Variants in VPS54 observed in about 807,000 individuals in gnomAD.
The protein encoded by VPS54 is VPS54 subunit of GARP complex.
VPS54 carries 45 observed loss-of-function variants against 121.5 expected under a neutral mutation model. That is an observed-to-expected ratio of 0.37 (90% CI 0.29 to 0.47). The LOEUF (loss-of-function observed/expected upper bound fraction) is 0.47, where lower values mean the gene tolerates loss of function less well. VPS54 is among the 20% of genes least tolerant of loss of function. The pLI is 0.99. For missense variants in VPS54, 1,090 were observed against 1,131.4 expected (o/e 0.96, Z 0.52); for synonymous variants, 371 against 385.8 (o/e 0.96, Z 0.45).
chr2:63,937,157 C>A (rs926850638), intron 11 of VPS54, among the ~76,000 whole-genome samples: 3 of 151,920 alleles, frequency 2.0e-5, no homozygotes, highest in Admixed American at 1.3e-4. Flanking sequence ...TGGACTACAT[C>A]AAAATAGAAA....
intron 1 of VPS54, among the ~76,000 whole-genome samples, chr2:64,001,247 A>C (rs1268911894): frequency 4.6e-5 from 7 of 152,178 alleles, no homozygotes; most frequent in Admixed American, 3.9e-4. Flanking sequence ...GAAGGCTGCC[A>C]GGCCTGGGAC....
At chr2:64,004,144 A>T (rs1440760298) in intron 1 of VPS54, among the ~76,000 whole-genome samples, 1 of 152,198 alleles carries the variant, frequency 6.6e-6, no homozygotes, top group African/African-American at 2.4e-5. Context: ...AACATATGGA[A>T]TAAGTAAAAA....
At chr2:63,936,927 C>T (rs1367195952) in intron 11 of VPS54, among the ~76,000 whole-genome samples, 3 of 152,058 alleles carry the variant, frequency 2.0e-5, no homozygotes, top group Admixed American at 2.0e-4. Flanking sequence ...AAATGATACT[C>T]GGAAAACTGA....
intron 12 of VPS54, among the ~76,000 whole-genome samples, chr2:63,932,794 G>T (rs571592292): frequency 6.6e-6 from 1 of 151,858 alleles, no homozygotes; most frequent in East Asian, 1.9e-4. Flanking sequence ...CTATTTTTTT[G>T]ATAACGGAGA....
chr2:63,961,888 T>G (rs548775329), intron 7 of VPS54, among the ~76,000 whole-genome samples, 170 bp downstream of exon 7: 1 of 152,328 alleles, frequency 6.6e-6, no homozygotes, highest in Admixed American at 6.5e-5. Flanking sequence ...TTATGGTTTT[T>G]GTTTTGCTAA....
chr2:63,970,888 A>G (rs1405571448), intron 4 of VPS54, among the ~76,000 whole-genome samples: 1 of 152,036 alleles, frequency 6.6e-6, no homozygotes, highest in Non-Finnish European at 1.5e-5. Flanking sequence ...CTACCATGCT[A>G]TTGTCCAGCA....
chr2:63,981,659 T>C lies in VPS54; in HGVS notation c.365A>G (p.Gln122Arg), dbSNP rs1676806968. The C allele has an allele frequency of 1.3e-6, 2 of 1,583,654 alleles. No homozygotes were observed. The highest frequency in any genetic ancestry group is 1.7e-6 in the Non-Finnish European group (2 of 1,163,930). ...ATTAGATATTACCTGAGAGATTTCC[T>C]GTTGATATACTGTAAAATGTTCCTT... ...ISKEHFTVYQ[Q>R]EISQREKIHE... The change falls in exon 3 of 23, where the codon CAG becomes CGG. Residue 122 changes from glutamine to arginine, a missense_variant. This residue lies in a region of VPS54 where 801 missense variants were observed against 757.0 expected (regional missense o/e 1.06). Transcript: ENST00000272322.
At chr2:63,997,801 A>C (rs1194450681) in intron 1 of VPS54, among the ~76,000 whole-genome samples, 1 of 151,072 alleles carries the variant, frequency 6.6e-6, no homozygotes. Flanking sequence ...TTTTATTTAA[A>C]GTTTTTCTTC....
At chr2:64,015,405 C>A (rs944058731) in intron 1 of VPS54, among the ~76,000 whole-genome samples, 1 of 152,110 alleles carries the variant, frequency 6.6e-6, no homozygotes, top group Non-Finnish European at 1.5e-5. Context: ...AGGTGTTAAT[C>A]TAATTCACCA....
At chr2:63,901,998 A>T (rs2104407058) in intron 20 of VPS54, among the ~76,000 whole-genome samples, 1 of 152,258 alleles carries the variant, frequency 6.6e-6, no homozygotes, top group South Asian at 2.1e-4. Flanking sequence ...CTGGGAGACA[A>T]GAGCAAAACT....
intron 6 of VPS54, among the ~76,000 whole-genome samples, chr2:63,965,459 G>A (rs1282186716): frequency 6.6e-6 from 1 of 152,168 alleles, no homozygotes; most frequent in South Asian, 2.1e-4. Context: ...CTGGGCAACA[G>A]AGCGAGACTC....
chr2:63,911,746 C>A (rs1415363785), intron 20 of VPS54, among the ~76,000 whole-genome samples: 2 of 152,180 alleles, frequency 1.3e-5, no homozygotes, highest in African/African-American at 2.4e-5. Context: ...TGATCTTGGA[C>A]AGACAGTATA....
At chr2:63,906,609 T>C (rs1483791441) in intron 20 of VPS54, among the ~76,000 whole-genome samples, 2 of 152,200 alleles carry the variant, frequency 1.3e-5, no homozygotes, top group African/African-American at 4.8e-5. Flanking sequence ...TTAATTTCCA[T>C]GGTGTAAATA....
At chr2:63,974,771 A>G (rs137864099) in intron 3 of VPS54, among the ~76,000 whole-genome samples, 83 of 152,322 alleles carry the variant, frequency 5.4e-4, no homozygotes, top group African/African-American at 1.9e-3. Flanking sequence ...TAACTTTTAT[A>G]TATTAACCTT....
At chr2:63,917,032 A>G (rs1238561146) in intron 15 of VPS54, 69 bp from the exon 16 acceptor site, 4 of 1,544,824 alleles carry the variant, frequency 2.6e-6, no homozygotes, top group Non-Finnish European at 3.6e-6. Flanking sequence ...AAAGCTGAAG[A>G]AGATAATTCC....
intron 20 of VPS54, among the ~76,000 whole-genome samples, chr2:63,910,108 A>G (rs970530799): frequency 5.3e-5 from 8 of 152,190 alleles, no homozygotes; most frequent in Non-Finnish European, 8.8e-5. Context: ...AGAACATGAA[A>G]GGTTAAAAAC....
intron 11 of VPS54, among the ~76,000 whole-genome samples, chr2:63,941,946 A>G (rs956909106): frequency 9.9e-5 from 15 of 151,306 alleles, no homozygotes; most frequent in Non-Finnish European, 1.2e-4. Flanking sequence ...AGGTAGAAGA[A>G]TCACTTGAAC....
chr2:63,976,821 TTC>T (rs200213785), intron 3 of VPS54, among the ~76,000 whole-genome samples: 11,331 of 119,912 alleles, frequency 0.094, 631 homozygotes, highest in Middle Eastern at 0.13. Flanking sequence ...AGCTTATATC[TTC>T]TCTTTTTTTT....
intron 1 of VPS54, among the ~76,000 whole-genome samples, chr2:64,001,843 C>A (rs1039300271): frequency 1.3e-5 from 2 of 152,034 alleles, no homozygotes; most frequent in African/African-American, 4.8e-5. Flanking sequence ...AGGGGTGGCA[C>A]AAGCACTCCC....
Sources: allele counts gnomAD v4.1 joint callset (sites outside exome capture counted in the v4.1 genomes callset), GRCh38; gene constraint gnomAD v4.1.1; regional missense constraint gnomAD v4.1.1; transcripts MANE v1.5; gene names NCBI Gene and HGNC (gene_info 2026-07-23, HGNC 2026-07-21).